The following FARS2 variants were observed in gnomAD, a reference collection of about 807,000 sequenced individuals.
FARS2 encodes phenylalanyl-tRNA synthetase 2, mitochondrial.
FARS2 carries 40 observed loss-of-function variants against 46.4 expected under a neutral mutation model. The ratio of observed to expected loss-of-function variants is 0.86; its 90% CI spans 0.67 to 1.12. FARS2 has a LOEUF of 1.12. Ranked by LOEUF, FARS2 falls within the 50% of genes most tolerant of loss-of-function variation. FARS2 has a pLI of 0.00. For missense variants in FARS2, 513 were observed against 567.9 expected (o/e 0.90, Z 0.98); for synonymous variants, 234 against 214.9 (o/e 1.09, Z -0.78).
At chr6:5,334,762 G>A (rs1273761545) in intron 1 of FARS2, among the ~76,000 whole-genome samples, 1 of 152,094 alleles carries the variant, frequency 6.6e-6, no homozygotes, top group Non-Finnish European at 1.5e-5. Flanking sequence ...ATTCTCCTCT[G>A]TAATATTTCC....
At chr6:5,407,007 C>A (rs1761639890) in intron 3 of FARS2, among the ~76,000 whole-genome samples, 1 of 124,034 alleles carries the variant, frequency 8.1e-6, no homozygotes, top group Non-Finnish European at 1.6e-5. Flanking sequence ...GAAATTGCAA[C>A]TTAAGAGAAA....
chr6:5,745,330 C>A (rs1221853380), intron 6 of FARS2, among the ~76,000 whole-genome samples: 1 of 152,230 alleles, frequency 6.6e-6, no homozygotes, highest in African/African-American at 2.4e-5. Flanking sequence ...TTGAGGTAGG[C>A]CATCTTAAAT....
intron 4 of FARS2, among the ~76,000 whole-genome samples, chr6:5,498,735 T>C (rs1767619155): frequency 6.6e-6 from 1 of 152,218 alleles, no homozygotes; most frequent in Non-Finnish European, 1.5e-5. Context: ...CTTTTCAGAT[T>C]GAATTCCTGT....
intron 5 of FARS2, among the ~76,000 whole-genome samples, chr6:5,546,299 T>C (rs1419080604): frequency 4.7e-5 from 7 of 147,484 alleles, no homozygotes; most frequent in Non-Finnish European, 1.0e-4. Flanking sequence ...CTCTGTCGCC[T>C]GGGCTGGAGT....
At chr6:5,281,136 A>G (rs1206825142) in intron 1 of FARS2, among the ~76,000 whole-genome samples, 1 of 152,212 alleles carries the variant, frequency 6.6e-6, no homozygotes, top group Non-Finnish European at 1.5e-5. Flanking sequence ...TCTTATGACT[A>G]CATAGCATGT....
chr6:5,742,855 G>A (rs777964892), intron 6 of FARS2, among the ~76,000 whole-genome samples: 9 of 152,076 alleles, frequency 5.9e-5, no homozygotes, highest in Non-Finnish European at 7.4e-5. Context: ...GGATCTAGGA[G>A]GAAAGGAGCA....
rs560066360 is a variant in FARS2, at chr6:5,765,172, C to A, written c.1218-6119C>A. Among the ~76,000 whole-genome samples the A allele has an allele frequency of 2.0e-5, 3 of 152,332 alleles. No homozygotes were observed. In the South Asian group the frequency reaches 6.2e-4, roughly 32 times the overall value. On this transcript the variant is annotated intron_variant, in intron 6 of 6. Coordinates refer to ENST00000274680, the MANE Select transcript of FARS2 (RefSeq NM_006567.5). This position sits in a 1 kb window ranked among gnomAD's most constrained non-coding sequence, Gnocchi z 4.0. ...CTGCTGTTGCATTCTGCCGTCCAGC[C>A]CAGCTCTCCCATTGGCCCACACGGG...
At chr6:5,521,008 G>A (rs1431545103) in intron 4 of FARS2, among the ~76,000 whole-genome samples, 1 of 152,120 alleles carries the variant, frequency 6.6e-6, no homozygotes, top group East Asian at 1.9e-4. Context: ...TCTTGTTCCT[G>A]CCTCTTTCCT....
intron 5 of FARS2, among the ~76,000 whole-genome samples, chr6:5,590,382 C>A (rs1200421105): frequency 6.6e-6 from 1 of 152,194 alleles, no homozygotes; most frequent in East Asian, 1.9e-4. Context: ...TCTCAGGCAC[C>A]CAGCCAGCCC....
intron 1 of FARS2, among the ~76,000 whole-genome samples, chr6:5,366,901 C>A (rs1164666624): frequency 6.6e-6 from 1 of 152,164 alleles, no homozygotes; most frequent in Admixed American, 6.5e-5. Context: ...AATTCATATC[C>A]ACTGCAGTGA....
intron 1 of FARS2, among the ~76,000 whole-genome samples, chr6:5,300,727 G>GTGATGCCA (rs1252674972): frequency 3.3e-5 from 5 of 152,094 alleles, no homozygotes; most frequent in Admixed American, 3.3e-4. Flanking sequence ...CTGGAGTGCA[G>GTGATGCCA]TGATGCCATC....
intron 4 of FARS2, among the ~76,000 whole-genome samples, chr6:5,516,253 G>T (rs1209496163): frequency 6.6e-6 from 1 of 152,210 alleles, no homozygotes; most frequent in East Asian, 1.9e-4. Flanking sequence ...TTATTGGCTA[G>T]AATGAGTCAC....
At position 5,510,905 on chromosome 6, in the gene FARS2, C is replaced by T. The variant is rs568725563; in HGVS notation, c.905-34275C>T. On this transcript the variant is annotated intron_variant, in intron 4 of 6. Transcript: ENST00000274680. ...AGTGCCTGTCTGTGCTGGGCTTTAC[C>T]GGTATGCAGAGATGCAGCCCCCCAG... 1.1e-4 allele frequency among the ~76,000 whole-genome samples: 17 copies of T among 152,276 alleles called. No individual in the cohort carries two copies. In the East Asian group the frequency reaches 2.1e-3, roughly 19 times the overall value.
chr6:5,279,234 G>A (rs972372460), intron 1 of FARS2, among the ~76,000 whole-genome samples: 7 of 151,732 alleles, frequency 4.6e-5, no homozygotes, highest in African/African-American at 1.7e-4. Flanking sequence ...AAAATTAGCC[G>A]GGCATGGTGG....
At chr6:5,609,523 T>C in intron 5 of FARS2, 1 of 1,249,532 alleles carries the variant, frequency 8.0e-7, no homozygotes, top group Non-Finnish European at 1.2e-6. Flanking sequence ...CCATGACCAC[T>C]GAAGTTTCCT....
intron 6 of FARS2, chr6:5,694,886 A>C (rs1758002256): frequency 6.6e-6 from 1 of 151,598 alleles, no homozygotes; most frequent in African/African-American, 2.4e-5. Flanking sequence ...ACGCACCTGT[A>C]GTCCTGGCCA....
At chr6:5,725,757 G>A (rs747655586) in intron 6 of FARS2, among the ~76,000 whole-genome samples, 6 of 152,120 alleles carry the variant, frequency 3.9e-5, no homozygotes, top group Non-Finnish European at 8.8e-5. Flanking sequence ...CCAACATGGC[G>A]AAACCCCGTG....
chr6:5,738,956 C>T (rs1761131953), intron 6 of FARS2, among the ~76,000 whole-genome samples: 1 of 152,166 alleles, frequency 6.6e-6, no homozygotes, highest in African/African-American at 2.4e-5. Flanking sequence ...TTAGAACAGG[C>T]ATCAGTCATG....
intron 6 of FARS2, among the ~76,000 whole-genome samples, chr6:5,693,561 T>A (rs557590123): frequency 1.4e-4 from 22 of 152,292 alleles, no homozygotes; most frequent in African/African-American, 5.1e-4. Context: ...AAACCTAGAG[T>A]AAAAATCTGG....
Sources: allele counts gnomAD v4.1 joint callset (sites outside exome capture counted in the v4.1 genomes callset), GRCh38; gene constraint gnomAD v4.1.1; non-coding constraint Gnocchi (gnomAD v3.1); transcripts MANE v1.5; gene names NCBI Gene and HGNC (gene_info 2026-07-23, HGNC 2026-07-21).